Variants in CATSPERE observed in about 807,000 individuals in gnomAD.
The protein encoded by CATSPERE is catsper channel auxiliary subunit epsilon.
Under a neutral mutation model 114.1 loss-of-function variants are expected in CATSPERE, and 93 were observed. The observed-to-expected ratio is 0.81, with a 90% CI of 0.69 to 0.97. The LOEUF (loss-of-function observed/expected upper bound fraction) is 0.97, where lower values mean the gene tolerates loss of function less well. Ranked by LOEUF, CATSPERE falls within the 50% of genes least tolerant of loss-of-function variation. The pLI is 0.00. For missense variants in CATSPERE, 1,058 were observed against 1,131.6 expected (o/e 0.93, Z 0.93); for synonymous variants, 341 against 384.1 (o/e 0.89, Z 1.31).
intron 20 of CATSPERE, among the ~76,000 whole-genome samples, chr1:244,621,194 T>TC (rs1330110357): frequency 0.094 from 1,162 of 12,404 alleles, 294 homozygotes; most frequent in African/African-American, 0.15. Context: ...TATAGATATA[T>TC]TTATATAGAT....
chr1:244,552,153 C>A (rs942107033), intron 8 of CATSPERE, among the ~76,000 whole-genome samples, 169 bp from the exon 9 acceptor site: 1 of 149,716 alleles, frequency 6.7e-6, no homozygotes, highest in East Asian at 2.0e-4. Context: ...TCCTTTGGGA[C>A]CAGAGTGAAG....
chr1:244,639,656 G>C (rs943438062), intron 21 of CATSPERE, among the ~76,000 whole-genome samples: 1 of 142,190 alleles, frequency 7.0e-6, no homozygotes, highest in African/African-American at 2.6e-5. Context: ...TCCAGGCTGG[G>C]TGACAGAGGG....
At chr1:244,622,503 A>T (rs1672528867) in intron 20 of CATSPERE, among the ~76,000 whole-genome samples, 1 of 150,374 alleles carries the variant, frequency 6.7e-6, no homozygotes, top group African/African-American at 2.5e-5. Context: ...TCCCGGGTTC[A>T]AGAGATTCTC....
At chr1:244,629,737 T>C (rs1182932866) in intron 20 of CATSPERE, among the ~76,000 whole-genome samples, 1 of 152,000 alleles carries the variant, frequency 6.6e-6, no homozygotes, top group Non-Finnish European at 1.5e-5. Context: ...CCTCCCAAGC[T>C]CAAGCAATTC....
At chr1:244,517,545 G>A (rs1558411969) in intron 7 of CATSPERE, among the ~76,000 whole-genome samples, 1 of 152,088 alleles carries the variant, frequency 6.6e-6, no homozygotes, top group East Asian at 1.9e-4. Context: ...GAGGAGGTGG[G>A]TGGATCACCT....
At chr1:244,614,081 C>T (rs1444544370) in intron 19 of CATSPERE, among the ~76,000 whole-genome samples, 1 of 152,236 alleles carries the variant, frequency 6.6e-6, no homozygotes, top group Non-Finnish European at 1.5e-5. Flanking sequence ...AGATGCAACC[C>T]TTCGACCTTG....
intron 8 of CATSPERE, among the ~76,000 whole-genome samples, chr1:244,549,046 T>G (rs2148486963): frequency 6.6e-6 from 1 of 152,318 alleles, no homozygotes; most frequent in East Asian, 1.9e-4. Flanking sequence ...TTATCCAGAC[T>G]ACCGAGGGGA....
intron 8 of CATSPERE, among the ~76,000 whole-genome samples, chr1:244,549,430 T>TAC (rs199588661): frequency 0.12 from 18,738 of 152,204 alleles, 1,951 homozygotes; most frequent in African/African-American, 0.28. Context: ...TCTATATATA[T>TAC]ATATAGACAC....
chr1:244,614,354 T>A (rs1671110009), intron 19 of CATSPERE, among the ~76,000 whole-genome samples: 1 of 152,070 alleles, frequency 6.6e-6, no homozygotes, highest in Admixed American at 6.6e-5. Context: ...TATAGCAACA[T>A]GAGCACACAA....
Position 244,484,585 on chromosome 1 carries a change from A to G in CATSPERE, c.326+4801A>G, listed in dbSNP as rs182683897. On this transcript the variant is annotated intron_variant, in intron 5 of 21. Transcript: ENST00000366534. ...TGGTGTTGCAAACTTTAGAATTAGT[A>G]GGAATTTTACCTCCAAATATTCCCT... Among the ~76,000 whole-genome samples the G allele has an allele frequency of 2.7e-4, 41 of 152,354 alleles. No individual in the cohort carries two copies. The East Asian group carries it at 7.1e-3, about 26-fold the overall frequency.
intron 11 of CATSPERE, among the ~76,000 whole-genome samples, chr1:244,579,065 A>T (rs1665776297): frequency 6.6e-6 from 1 of 152,056 alleles, no homozygotes; most frequent in Admixed American, 6.6e-5. Context: ...TGATAAAAAA[A>T]ATATGCAAGA....
Position 244,568,705 on chromosome 1 carries a change from G to A in CATSPERE, c.1508-3625G>A, listed in dbSNP as rs1043094669. ...GACGCTCCTACCCCCACCAAGTTCG[G>A]GTGTCCCAGGTCACTTCAGACTGCT... On this transcript the variant is annotated intron_variant, in intron 10 of 21. Transcript: ENST00000366534. This position sits in a 1 kb window ranked among gnomAD's most constrained non-coding sequence, Gnocchi z 4.4. Among the ~76,000 whole-genome samples the A allele has an allele frequency of 1.3e-5, 2 of 152,136 alleles. No individual in the cohort carries two copies. Among genetic ancestry groups the A allele is most frequent in the African/African-American group, 4.8e-5 (2 of 41,432 alleles).
At position 244,607,354 on chromosome 1, in the gene CATSPERE, A is replaced by C. The variant is rs1406132544; in HGVS notation, c.2403+1560A>C. Among the ~76,000 whole-genome samples the C allele has an allele frequency of 6.6e-6, 1 of 152,226 alleles. No homozygotes were observed. Among genetic ancestry groups the C allele is most frequent in the Non-Finnish European group, 1.5e-5 (1 of 68,036 alleles). ...ACTCCATTTGTTTGAGGCTCCTGCC[A>C]TTCAGTTGACATCTATGCCATCCCT... On this transcript the variant is annotated intron_variant, in intron 18 of 21. Coordinates refer to ENST00000366534, the MANE Select transcript of CATSPERE (RefSeq NM_001130957.2). This position sits in a 1 kb window ranked among gnomAD's most constrained non-coding sequence, Gnocchi z 4.4.
chr1:244,500,405 ATGAAGTCTT>A (rs1408355358), intron 7 of CATSPERE, among the ~76,000 whole-genome samples: 1 of 152,264 alleles, frequency 6.6e-6, no homozygotes, highest in Admixed American at 6.5e-5. Context: ...TGTTTTAGTC[ATGAAGTCTT>A]TGCCCATGCC....
intron 8 of CATSPERE, among the ~76,000 whole-genome samples, chr1:244,519,436 A>T (rs1206586498): frequency 6.6e-6 from 1 of 152,246 alleles, no homozygotes; most frequent in South Asian, 2.1e-4. Flanking sequence ...AACATTGATT[A>T]GAAAAAACTT....
intron 10 of CATSPERE, among the ~76,000 whole-genome samples, chr1:244,562,193 A>G (rs1662675928): frequency 6.7e-6 from 1 of 149,636 alleles, no homozygotes; most frequent in Non-Finnish European, 1.5e-5. Context: ...GAGTTTGTCC[A>G]GACTTTCAAA....
chr1:244,552,185 G>A (rs1347713319), intron 8 of CATSPERE, 137 bp from the exon 9 acceptor site: 2 of 1,033,426 alleles, frequency 1.9e-6, no homozygotes, highest in Non-Finnish European at 2.6e-6. Flanking sequence ...GGCAGTGGTT[G>A]CATTTTAATA....
intron 6 of CATSPERE, among the ~76,000 whole-genome samples, chr1:244,496,846 T>G (rs367959370): frequency 3.3e-5 from 5 of 152,278 alleles, no homozygotes; most frequent in Admixed American, 6.5e-5. Flanking sequence ...GCCTTCATAT[T>G]TAAAGTGTGA....
At chr1:244,486,865 G>A (rs531062728) in intron 5 of CATSPERE, among the ~76,000 whole-genome samples, 134 of 91,190 alleles carry the variant, frequency 1.5e-3, no homozygotes, top group African/African-American at 5.2e-3. Flanking sequence ...GCCAGGTGTA[G>A]ACCCTCGTAG....
Sources: gnomAD v4.1 joint callset for allele counts (sites outside exome capture counted in the v4.1 genomes callset) on GRCh38, gnomAD v4.1.1 for gene constraint, Gnocchi (gnomAD v3.1) non-coding constraint, MANE v1.5 for transcripts, NCBI Gene and HGNC (gene_info 2026-07-23, HGNC 2026-07-21) for gene names.